Variants in PCDHGB1 observed in about 807,000 individuals in gnomAD.
The protein encoded by PCDHGB1 is protocadherin gamma-B1.
In PCDHGB1, 34 loss-of-function variants were observed where a neutral mutation model predicts 56.6. The ratio of observed to expected loss-of-function variants is 0.60; its 90% confidence interval spans 0.46 to 0.80. The LOEUF (loss-of-function observed/expected upper bound fraction) is 0.80, where lower values mean the gene tolerates loss of function less well. Among genes scored for constraint, PCDHGB1 ranks in the 30% least tolerant of loss-of-function variants. The pLI, the probability that PCDHGB1 is intolerant of heterozygous loss-of-function variation, is 0.00. For missense variants in PCDHGB1, 1,278 were observed against 1,204.6 expected (o/e 1.06, Z -0.90); for synonymous variants, 561 against 505.9 (o/e 1.11, Z -1.46).
intron 1 of PCDHGB1, among the ~76,000 whole-genome samples, chr5:141,434,616 T>C (rs911085192): frequency 1.3e-5 from 2 of 152,204 alleles, no homozygotes; most frequent in East Asian, 1.9e-4. Context: ...TCCGCCCATC[T>C]CTTCGTTTCC....
intron 1 of PCDHGB1, chr5:141,361,641 A>G (rs1377463316): frequency 5.6e-6 from 9 of 1,613,720 alleles, no homozygotes; most frequent in Admixed American, 5.0e-5. Context: ...GGGAGATTTT[A>G]TCCTACGTGT....
In PCDHGB1 at chr5:141,431,280, C is replaced by T. The variant is rs2097357763; in HGVS notation, c.2410-63527C>T. The T allele has an allele frequency of 1.9e-6, 3 of 1,614,146 alleles. No homozygotes were observed. Among genetic ancestry groups the T allele is most frequent in the South Asian group, 1.1e-5 (1 of 91,088 alleles). ...TCTCTGCAGAGCTACGAGCTCAGCC[C>T]GAACACTCACTTCTCCCTCATCGTG... On this transcript the variant is annotated intron_variant, in intron 1 of 3. Transcript: ENST00000523390. This position sits in a 1 kb window ranked among gnomAD's most constrained non-coding sequence, Gnocchi z 4.8.
At chr5:141,408,914 A>C in intron 1 of PCDHGB1, 1 of 1,613,446 alleles carries the variant, frequency 6.2e-7, no homozygotes, top group Non-Finnish European at 8.5e-7. Context: ...TACCAATGAT[A>C]ACCCCCCGGT....
intron 1 of PCDHGB1, chr5:141,371,970 C>A: frequency 6.2e-7 from 1 of 1,613,250 alleles, no homozygotes; most frequent in Non-Finnish European, 8.5e-7. Context: ...CGAGCAGCTG[C>A]GTGCCTTCGA....
At chr5:141,423,852 G>T (rs796757517) in intron 1 of PCDHGB1, 36 of 1,279,400 alleles carry the variant, frequency 2.8e-5, no homozygotes, top group Non-Finnish European at 3.5e-5. Context: ...CTTTCAGAAC[G>T]TTTTTGTGAA....
chr5:141,389,084 T>C (rs376665735), intron 1 of PCDHGB1: 12 of 1,613,880 alleles, frequency 7.4e-6, no homozygotes, highest in Admixed American at 1.7e-5. Flanking sequence ...GAAACACGTA[T>C]AAATTAGTGA....
intron 1 of PCDHGB1, among the ~76,000 whole-genome samples, chr5:141,437,922 G>A (rs1039507511): frequency 1.3e-5 from 2 of 152,106 alleles, no homozygotes; most frequent in Admixed American, 6.5e-5. Context: ...ATTTTTAGTA[G>A]AGATGGGGTT....
At chr5:141,509,169 T>C (rs1321257504) in intron 3 of PCDHGB1, among the ~76,000 whole-genome samples, 2 of 152,174 alleles carry the variant, frequency 1.3e-5, no homozygotes, top group African/African-American at 4.8e-5. Context: ...TGTGCCCTCC[T>C]CCTCTTATGC....
intron 1 of PCDHGB1, chr5:141,370,131 T>C (rs1459064446): frequency 2.5e-6 from 1 of 401,420 alleles, no homozygotes; most frequent in African/African-American, 2.0e-5. Context: ...TATTTGGAGC[T>C]GATTTAGTCA....
rs758132181 is a variant in PCDHGB1, at chr5:141,486,827, C to T, written c.2410-7980C>T. On this transcript the variant is annotated intron_variant, in intron 1 of 3. Coordinates refer to ENST00000523390, the MANE Select transcript of PCDHGB1 (RefSeq NM_018922.3). This position sits in a 1 kb window ranked among gnomAD's most constrained non-coding sequence, Gnocchi z 5.0. The stretch of plus-strand genomic sequence containing the variant: ...ACCCCTTAGCAGCACTGTAACAGTT[C>T]GTCTATTTGTGCTGGACCTCAATGA... 10 of 1,614,110 alleles carry T rather than the reference C, an allele frequency of 6.2e-6. No individual in the cohort carries two copies. The African/African-American group carries it at 8.0e-5, about 13-fold the overall frequency.
chr5:141,377,482 G>C (rs1774042121), intron 1 of PCDHGB1: 1 of 152,036 alleles, frequency 6.6e-6, no homozygotes, highest in African/African-American at 2.4e-5. Flanking sequence ...TGTAGTCCCA[G>C]CTACTCGAGA....
intron 1 of PCDHGB1, chr5:141,372,236 C>G (rs777727544): frequency 1.2e-6 from 2 of 1,613,204 alleles, no homozygotes; most frequent in East Asian, 4.5e-5. Flanking sequence ...CCAGCGAGCC[C>G]GGGCTGTTCA....
intron 1 of PCDHGB1, among the ~76,000 whole-genome samples, chr5:141,482,052 T>G (rs2099551017): frequency 6.7e-6 from 1 of 150,154 alleles, no homozygotes; most frequent in Non-Finnish European, 1.5e-5. Flanking sequence ...GCTGTTGCAT[T>G]CCAGCCTGGG....
At chr5:141,413,181 C>T in intron 1 of PCDHGB1, 8 of 1,602,880 alleles carry the variant, frequency 5.0e-6, no homozygotes, top group Non-Finnish European at 6.8e-6. Context: ...CTACAATGGC[C>T]GCTCAAAGGA....
At position 141,355,954 on chromosome 5, in the gene PCDHGB1, C is replaced by T. The variant is rs748883538; in HGVS notation, c.2409+3285C>T. The stretch of plus-strand genomic sequence containing the variant: ...TCAGCCCGAGTACCACGTAAGTGTT[C>T]GTGAGAACGTTCCTGTAGGCACTCG... On this transcript the variant is annotated intron_variant, in intron 1 of 3. Coordinates refer to ENST00000523390, the MANE Select transcript of PCDHGB1 (RefSeq NM_018922.3). The T allele has an allele frequency of 1.9e-5, 30 of 1,613,706 alleles. No individual in the cohort carries two copies. In the African/African-American group the frequency reaches 2.9e-4, roughly 16 times the overall value.
chr5:141,366,572 G>T (rs1454034279), intron 1 of PCDHGB1: 1 of 1,614,148 alleles, frequency 6.2e-7, no homozygotes, highest in African/African-American at 1.3e-5. Flanking sequence ...TGGGGTTCGG[G>T]CTTTCCTGCA....
chr5:141,404,004 C>T (rs1219625288), intron 1 of PCDHGB1: 3 of 1,613,842 alleles, frequency 1.9e-6, no homozygotes, highest in Non-Finnish European at 2.5e-6. Flanking sequence ...ACCATTACAT[C>T]TCTGTTTAGC....
chr5:141,415,959 C>T, intron 1 of PCDHGB1: 3 of 443,810 alleles, frequency 6.8e-6, no homozygotes, highest in Non-Finnish European at 1.1e-5. Context: ...CATATTGAAA[C>T]TCCAGCCCCT....
chr5:141,414,466 G>A, intron 1 of PCDHGB1: 1 of 1,613,872 alleles, frequency 6.2e-7, no homozygotes, highest in Non-Finnish European at 8.5e-7. Flanking sequence ...AGCCACAGAT[G>A]GGGGAAGTCC....
Sources: allele counts gnomAD v4.1 joint callset (sites outside exome capture counted in the v4.1 genomes callset), GRCh38; gene constraint gnomAD v4.1.1; non-coding constraint Gnocchi (gnomAD v3.1); transcripts MANE v1.5; gene names NCBI Gene and HGNC (gene_info 2026-07-23, HGNC 2026-07-21).